FAT4: variants seen among roughly 807,000 people sequenced by gnomAD.
The protein encoded by FAT4 is protocadherin Fat 4.
FAT4 carries 84 observed loss-of-function variants against 303.9 expected under a neutral mutation model. That is an observed-to-expected ratio of 0.28 (90% CI 0.23 to 0.33). The LOEUF (loss-of-function observed/expected upper bound fraction) is 0.33. Among genes scored for constraint, FAT4 ranks in the 10% least tolerant of loss-of-function variants. The pLI is 1.00. For synonymous variants in FAT4, 2,307 were observed against 2,298.8 expected (o/e 1.00, Z -0.10); for missense variants, 6,005 against 6,146.8 (o/e 0.98, Z 0.77).
intron 2 of FAT4, among the ~76,000 whole-genome samples, chr4:125,378,204 A>C (rs1180792978): frequency 6.6e-6 from 1 of 152,072 alleles, no homozygotes; most frequent in East Asian, 1.9e-4. Context: ...TAAAATCTAA[A>C]CTGTTTGTAG....
At chr4:125,350,708 C>G (rs1288208848) in intron 2 of FAT4, among the ~76,000 whole-genome samples, 1 of 151,594 alleles carries the variant, frequency 6.6e-6, no homozygotes, top group Non-Finnish European at 1.5e-5. Context: ...TGGTTACTGG[C>G]GGTCATCCAT....
intron 16 of FAT4, among the ~76,000 whole-genome samples, chr4:125,483,154 C>G (rs1012847903): frequency 6.6e-6 from 1 of 152,148 alleles, no homozygotes; most frequent in African/African-American, 2.4e-5. Context: ...TTAACTTTAC[C>G]TCTATTGAAG....
At chr4:125,477,760 C>T (rs1210576611) in intron 14 of FAT4, among the ~76,000 whole-genome samples, 1 of 151,934 alleles carries the variant, frequency 6.6e-6, no homozygotes, top group African/African-American at 2.4e-5. Context: ...CTTGATACAG[C>T]TTTAAAAACA....
At chr4:125,388,710 C>T (rs1404302535) in intron 2 of FAT4, among the ~76,000 whole-genome samples, 1 of 152,102 alleles carries the variant, frequency 6.6e-6, no homozygotes, top group East Asian at 1.9e-4. Flanking sequence ...GTTGCCTTTG[C>T]CTTAAAATAA....
intron 8 of FAT4, among the ~76,000 whole-genome samples, chr4:125,444,119 T>C (rs184523444): frequency 2.6e-5 from 4 of 152,298 alleles, no homozygotes; most frequent in Non-Finnish European, 4.4e-5. Context: ...TGCAATAGCA[T>C]AAAATTAAAA....
In FAT4 at chr4:125,491,292, T is replaced by C. The variant is rs374891029; in HGVS notation, c.14476T>C (p.Ser4826Pro). The change falls in exon 18 of 18, where the codon TCT (serine) becomes CCT (proline). Residue 4826 changes from serine (S) to proline (P), a missense_variant. Physicochemically the swap from Ser to Pro is moderately conservative, Grantham distance 74. Transcript: ENST00000394329. ...SSEEDCRRPLSRTRNPADGIP... is the reference protein window; with the variant it reads ...SSEEDCRRPLPRTRNPADGIP... Reference sequence around the variant, plus strand: ...AGAGGAGGACTGCAGAAGGCCACTGTCTAGAACAAGGAATCCAGCGGATGG... The same window carrying C: ...AGAGGAGGACTGCAGAAGGCCACTGCCTAGAACAAGGAATCCAGCGGATGG... 28 of 1,614,006 alleles carry C rather than the reference T, an allele frequency of 1.7e-5. No homozygotes were observed. The Middle Eastern group carries it at 9.9e-4, about 57-fold the overall frequency.
At chr4:125,454,089 T>G (rs1726195559) in intron 10 of FAT4, among the ~76,000 whole-genome samples, 1 of 152,244 alleles carries the variant, frequency 6.6e-6, no homozygotes, top group East Asian at 1.9e-4. Flanking sequence ...ATTGAGTTAC[T>G]CTGCAGTATT....
rs1363330131 is a variant in FAT4, at chr4:125,491,559, G to T, written c.14743G>T (p.Ala4915Ser). The T allele has an allele frequency of 6.2e-7, 1 of 1,614,214 alleles. No individual in the cohort carries two copies. Among genetic ancestry groups the T allele is most frequent in the Non-Finnish European group, 8.5e-7 (1 of 1,180,044 alleles). Residue 4915 changes from alanine (A) to serine (S), a missense_variant, in exon 18 of 18, where the codon GCT (alanine) becomes TCT (serine). Ala to Ser is a moderately conservative substitution (Grantham distance 99). Transcript: ENST00000394329. Reference sequence around the variant, plus strand: ...CACCCAGGCAGCAGCACCAGGCACTGCTGACAACACACTGCCCATGAAGCT... The same window carrying T: ...CACCCAGGCAGCAGCACCAGGCACTTCTGACAACACACTGCCCATGAAGCT... ...VGTQAAAPGT[A>S]DNTLPMKLGQ...
intron 2 of FAT4, among the ~76,000 whole-genome samples, chr4:125,375,494 T>G (rs1378658572): frequency 6.6e-6 from 1 of 152,210 alleles, no homozygotes; most frequent in African/African-American, 2.4e-5. Flanking sequence ...GGCAAACTAC[T>G]TGGATACCCT....
intron 2 of FAT4, among the ~76,000 whole-genome samples, chr4:125,345,298 A>G (rs1042142906): frequency 1.3e-5 from 2 of 152,116 alleles, no homozygotes; most frequent in African/African-American, 4.8e-5. Context: ...AACGAAAAAT[A>G]TTGGACAATT....
chr4:125,347,742 A>ATAT, intron 2 of FAT4, among the ~76,000 whole-genome samples: 1 of 151,988 alleles, frequency 6.6e-6, no homozygotes, highest in South Asian at 2.1e-4. Context: ...ATTACATAAA[A>ATAT]TACTAAGATG....
intron 2 of FAT4, among the ~76,000 whole-genome samples, chr4:125,333,692 T>C (rs1405088409): frequency 6.6e-6 from 1 of 152,202 alleles, no homozygotes; most frequent in Non-Finnish European, 1.5e-5. Flanking sequence ...GCTGCAGTGA[T>C]TAAAATGCTT....
Position 125,318,228 on chromosome 4 carries a change from G to C in FAT4, c.1817G>C (p.Arg606Thr), listed in dbSNP as rs187882510. The change falls in exon 2 of 18, where the codon AGG becomes ACG. Residue 606 changes from arginine to threonine, a missense_variant. Physicochemically the swap from Arg to Thr is moderately conservative, Grantham distance 71. Coordinates refer to ENST00000394329, the MANE Select transcript of FAT4 (RefSeq NM_001291303.3). ...APTGTELLML[R>T]ATDGDLGDNG... ...ACAGGGACAGAACTGTTGATGCTCA[G>C]GGCAACTGACGGGGACCTGGGTGAC... The C allele has an allele frequency of 2.3e-5, 37 of 1,614,208 alleles. 1 individual carries two copies. The South Asian group carries it at 3.8e-4, about 17-fold the overall frequency.
At position 125,448,676 on chromosome 4, in the gene FAT4, G is replaced by A. The variant is rs376569636; in HGVS notation, c.7666G>A (p.Val2556Met). The A allele has an allele frequency of 1.9e-6, 3 of 1,613,950 alleles. No homozygotes were observed. The highest frequency in any genetic ancestry group is 8.5e-7 in the Non-Finnish European group (1 of 1,179,906). ...GSFPKTDSTT[V>M]TVRFVNKADF... Reference sequence around the variant, plus strand: ...ATTTCCAAAGACAGATTCTACAACAGTGACTGTTAGATTCGTGAATAAGGC... The same window carrying A: ...ATTTCCAAAGACAGATTCTACAACAATGACTGTTAGATTCGTGAATAAGGC... Residue 2556 changes from valine to methionine, a missense_variant, in exon 10 of 18, where the codon GTG becomes ATG. Transcript: ENST00000394329.
Position 125,407,085 on chromosome 4 carries a change from C to A in FAT4, c.5513C>A (p.Thr1838Lys). ...ACTGTCAGTGATGTGAATGACCATA[C>A]ACCCAAATTTTCCAGACCCGTGTAC... ...NITVSDVNDHTPKFSRPVYSF... is the reference protein window; with the variant it reads ...NITVSDVNDHKPKFSRPVYSF... The change falls in exon 4 of 18, where the codon ACA (threonine) becomes AAA (lysine). Residue 1838 changes from threonine (T) to lysine (K), a missense_variant. By Grantham distance (78) the Thr-to-Lys change is moderately conservative. Transcript: ENST00000394329. The A allele has an allele frequency of 6.2e-7, 1 of 1,613,768 alleles. No individual in the cohort carries two copies. The highest frequency in any genetic ancestry group is 1.7e-5 in the Admixed American group (1 of 59,976).
intron 2 of FAT4, among the ~76,000 whole-genome samples, chr4:125,370,001 A>G (rs1733044357): frequency 6.6e-6 from 1 of 151,968 alleles, no homozygotes; most frequent in Admixed American, 6.6e-5. Context: ...TATATACTAC[A>G]TTTTGTTTAT....
chr4:125,388,084 C>A (rs1733830446), intron 2 of FAT4, among the ~76,000 whole-genome samples: 1 of 152,128 alleles, frequency 6.6e-6, no homozygotes, highest in Non-Finnish European at 1.5e-5. Context: ...TAGTAGTGGG[C>A]TAGCAGAAAC....
chr4:125,466,440 C>A (rs1033575732), intron 11 of FAT4, among the ~76,000 whole-genome samples: 3 of 151,694 alleles, frequency 2.0e-5, no homozygotes, highest in Non-Finnish European at 4.4e-5. Context: ...CAAATTTTTT[C>A]AGTAGTATTT....
chr4:125,397,448 C>T (rs1734229170), intron 2 of FAT4, among the ~76,000 whole-genome samples: 1 of 151,984 alleles, frequency 6.6e-6, no homozygotes, highest in African/African-American at 2.4e-5. Flanking sequence ...GTGGGCATTT[C>T]CTTAAAGGAA....
Sources: gnomAD v4.1 joint callset for allele counts (sites outside exome capture counted in the v4.1 genomes callset) on GRCh38, gnomAD v4.1.1 for gene constraint, MANE v1.5 for transcripts, NCBI Gene and HGNC (gene_info 2026-07-23, HGNC 2026-07-21) for gene names.